Variants in CHRNA5 observed in about 807,000 individuals in gnomAD.
CHRNA5 encodes cholinergic receptor nicotinic alpha 5 subunit, also known as neuronal acetylcholine receptor subunit alpha-5.
A neutral mutation model predicts 41.2 loss-of-function variants in CHRNA5; 28 were observed. The observed-to-expected ratio is 0.68, with a 90% CI of 0.50 to 0.93. The LOEUF (loss-of-function observed/expected upper bound fraction) is 0.93. Ranked by LOEUF, CHRNA5 falls within the 40% of genes least tolerant of loss-of-function variation. The pLI, the probability that CHRNA5 is intolerant of heterozygous loss-of-function variation, is 0.00. For missense variants in CHRNA5, 481 were observed against 581.9 expected, an observed-to-expected ratio of 0.83 and a Z score of 1.78; for synonymous variants, 188 against 205.8, an observed-to-expected ratio of 0.91 and a Z score of 0.74.
intron 1 of CHRNA5, among the ~76,000 whole-genome samples, chr15:78,578,634 A>G (rs548716382): frequency 1.7e-4 from 26 of 152,322 alleles, no homozygotes; most frequent in South Asian, 2.1e-4. Flanking sequence ...TCCTCCAGCT[A>G]GAGTACCTGG....
At chr15:78,577,695 G>C (rs2052871267) in intron 1 of CHRNA5, among the ~76,000 whole-genome samples, 1 of 152,156 alleles carries the variant, frequency 6.6e-6, no homozygotes, top group African/African-American at 2.4e-5. Flanking sequence ...CACTTTGGGA[G>C]GCAGAGGCTA....
At chr15:78,592,075 G>A (rs1263498109) in intron 5 of CHRNA5, among the ~76,000 whole-genome samples, 1 of 152,216 alleles carries the variant, frequency 6.6e-6, no homozygotes, top group African/African-American at 2.4e-5. Flanking sequence ...TGTAATCCCA[G>A]CACTTTGGGA....
intron 1 of CHRNA5, 31 bp downstream of exon 1, chr15:78,565,856 G>T: frequency 1.7e-6 from 2 of 1,187,926 alleles, no homozygotes; most frequent in East Asian, 3.2e-5. Flanking sequence ...GGCGGGGCGG[G>T]AGCTGGCCCG....
At position 78,590,301 on chromosome 15, in the gene CHRNA5, CCAT is replaced by C. The variant is rs1428583316; in HGVS notation, c.915_917del (p.Ser307del). The C allele has an allele frequency of 1.1e-5, 17 of 1,613,812 alleles. No homozygotes were observed. The Admixed American group carries it at 1.3e-4, about 13-fold the overall frequency. ...CCTTCTGGTTATTGAAGAGATCATA[CCAT>C]CATCTTCAAAAGTCATACCTCTAAT... On this transcript the variant is annotated inframe_deletion, in exon 5 of 6. Transcript: ENST00000299565.
chr15:78,575,736 A>G (rs1272770183), intron 1 of CHRNA5, among the ~76,000 whole-genome samples: 1 of 152,236 alleles, frequency 6.6e-6, no homozygotes, highest in Non-Finnish European at 1.5e-5. Context: ...CCTTACAATG[A>G]CCTCATAAGG....
rs534686683 is a variant in CHRNA5 at position 78,569,688 on chromosome 15, G to T, written c.106+3863G>T. Among the ~76,000 whole-genome samples the T allele has an allele frequency of 3.6e-4, 54 of 151,930 alleles. 1 individual carries two copies. The South Asian group carries it at 0.011, about 30-fold the overall frequency. ...GACCTCATGACCCGCCCGCCTCGGC[G>T]TCCCAAAGTGCTGGGATTACAGGTG... On this transcript the variant is annotated intron_variant, in intron 1 of 5. Transcript: ENST00000299565.
Position 78,567,194 on chromosome 15 carries a change from A to C in CHRNA5, c.106+1369A>C, listed in dbSNP as rs554385463. Among the ~76,000 whole-genome samples the C allele has an allele frequency of 2.0e-4, 31 of 151,658 alleles. No homozygotes were observed. In the South Asian group the frequency reaches 2.1e-3, roughly 10 times the overall value. Reference sequence around the variant, plus strand: ...CGTGAACCCGAGAGGCGGAGGTTACAGTGAGCCGAGATCGCGCCACTGCAC... The same window carrying C: ...CGTGAACCCGAGAGGCGGAGGTTACCGTGAGCCGAGATCGCGCCACTGCAC... On this transcript the variant is annotated intron_variant, in intron 1 of 5. Transcript: ENST00000299565.
At chr15:78,590,740 T>A in intron 5 of CHRNA5, 104 bp downstream of exon 5, 1 of 892,328 alleles carries the variant, frequency 1.1e-6, no homozygotes, top group Non-Finnish European at 1.7e-6. Context: ...TAAGTAAGAC[T>A]AAGCATAGAT....
At chr15:78,586,771 A>G (rs2052965244) in intron 3 of CHRNA5, 82 bp downstream of exon 3, 7 of 991,326 alleles carry the variant, frequency 7.1e-6, no homozygotes, top group South Asian at 2.9e-5. Context: ...CAGAAATACA[A>G]GAGTATGTAT....
intron 1 of CHRNA5, among the ~76,000 whole-genome samples, chr15:78,576,891 G>T (rs1466265663): frequency 6.6e-6 from 1 of 151,746 alleles, no homozygotes; most frequent in Non-Finnish European, 1.5e-5. Flanking sequence ...TGAATAGGAT[G>T]AGCAAATATT....
intron 1 of CHRNA5, among the ~76,000 whole-genome samples, chr15:78,569,729 G>A (rs530718732): frequency 5.3e-5 from 8 of 152,004 alleles, no homozygotes; most frequent in Non-Finnish European, 1.2e-4. Context: ...CACCGTGCCC[G>A]GCCTGGAATT....
intron 2 of CHRNA5, among the ~76,000 whole-genome samples, chr15:78,582,406 C>T (rs998068706): frequency 9.2e-5 from 14 of 151,596 alleles, no homozygotes; most frequent in Non-Finnish European, 1.3e-4. Flanking sequence ...ATCGTTTGAA[C>T]CCTGGGAAGC....
At chr15:78,587,633 C>T (rs908760414) in intron 3 of CHRNA5, among the ~76,000 whole-genome samples, 1 of 150,994 alleles carries the variant, frequency 6.6e-6, no homozygotes, top group African/African-American at 2.4e-5. Context: ...GATTCTGACT[C>T]TCTAAGGTGG....
At chr15:78,570,422 C>CTCTTTTTTTTTTTTTTTTTTTTTTTTT (rs1567050748) in intron 1 of CHRNA5, among the ~76,000 whole-genome samples, 1 of 66,288 alleles carries the variant, frequency 1.5e-5, no homozygotes, top group Non-Finnish European at 2.5e-5. Flanking sequence ...CCAATCCCGG[C>CTCTTTTTTTTTTTTTTTTTTTTTTTTT]TATTTTTTTT....
chr15:78,578,423 C>G (rs1251590085), intron 1 of CHRNA5, among the ~76,000 whole-genome samples: 3 of 152,210 alleles, frequency 2.0e-5, no homozygotes, highest in East Asian at 1.9e-4. Flanking sequence ...CAGAGAATCA[C>G]TTGAACCTGG....
chr15:78,584,379 T>C (rs1342711991), intron 2 of CHRNA5, among the ~76,000 whole-genome samples: 1 of 152,260 alleles, frequency 6.6e-6, no homozygotes, highest in African/African-American at 2.4e-5. Context: ...ACACATGTAG[T>C]TAACATTTTT....
Position 78,588,307 on chromosome 15 carries a change from T to G in CHRNA5, c.304-7T>G, listed in dbSNP as rs2052979651. 1 of 1,440,366 alleles carries G rather than the reference T, an allele frequency of 6.9e-7. No homozygotes were observed. The highest frequency in any genetic ancestry group is 9.5e-7 in the Non-Finnish European group (1 of 1,048,478). 89.2% of individuals were successfully genotyped at this position (1,440,366 alleles called of 1,614,324 possible). A position where few individuals can be genotyped will look rare whatever the true frequency, so the allele number is the denominator to read the frequency against. ...TTGAAATTGAGGCAGATTTCTTTGT[T>G]TTAAAGGAATGGATAGATGTAAAAT... On this transcript the variant is annotated splice_polypyrimidine_tract_variant and splice_region_variant and intron_variant, in intron 3 of 5. Coordinates refer to ENST00000299565, the Ensembl canonical transcript of CHRNA5. The surrounding 1 kb of genome is among the most constrained non-coding windows in gnomAD (Gnocchi z 4.1).
At chr15:78,594,658 CAA>C (rs2053070973) in exon 6 of CHRNA5, 1 of 152,198 alleles carries the variant, frequency 6.6e-6, no homozygotes, top group South Asian at 2.1e-4. Context: ...AGCCTGGCAA[CAA>C]GAGCAAAACT....
At chr15:78,579,012 A>G (rs918661617) in intron 1 of CHRNA5, among the ~76,000 whole-genome samples, 1 of 151,550 alleles carries the variant, frequency 6.6e-6, no homozygotes, top group African/African-American at 2.4e-5. Flanking sequence ...GTCTTTGGCC[A>G]TAGTATCCAA....
Sources: gnomAD v4.1 joint callset for allele counts (sites outside exome capture counted in the v4.1 genomes callset) on GRCh38, gnomAD v4.1.1 for gene constraint, Gnocchi (gnomAD v3.1) non-coding constraint, MANE v1.5 for transcripts, NCBI Gene and HGNC (gene_info 2026-07-23, HGNC 2026-07-21) for gene names.